GALNT13: variants seen among roughly 807,000 people sequenced by gnomAD.
The protein encoded by GALNT13 is polypeptide N-acetylgalactosaminyltransferase 13.
In GALNT13, 28 loss-of-function variants were observed where a neutral mutation model predicts 64.2. The ratio of observed to expected loss-of-function variants is 0.44; its 90% CI spans 0.32 to 0.60. The LOEUF (loss-of-function observed/expected upper bound fraction) is 0.60, where lower values mean the gene tolerates loss of function less well. Ranked by LOEUF, GALNT13 falls within the 20% of genes least tolerant of loss-of-function variation. The pLI is 0.05. For synonymous variants in GALNT13, 214 were observed against 224.6 expected (o/e 0.95, Z 0.42); for missense variants, 577 against 669.8 (o/e 0.86, Z 1.53).
At chr2:153,760,260 T>C in the GALNT13 span, among the ~76,000 whole-genome samples, 1 of 151,948 alleles carries the variant, frequency 6.6e-6, no homozygotes, top group Non-Finnish European at 1.5e-5. Flanking sequence ...CTATTGTTTT[T>C]CTAGTCTCTA....
the GALNT13 span, among the ~76,000 whole-genome samples, chr2:153,749,881 A>G: frequency 5.9e-5 from 9 of 151,898 alleles, no homozygotes; most frequent in Non-Finnish European, 1.2e-4. Context: ...AAGAATGGTG[A>G]AAATGTGCAT....
At chr2:153,778,272 G>T in the GALNT13 span, among the ~76,000 whole-genome samples, 1 of 152,198 alleles carries the variant, frequency 6.6e-6, no homozygotes, top group African/African-American at 2.4e-5. Context: ...GTATTTATAG[G>T]CACAGGATGG....
At chr2:153,516,492 A>T in the GALNT13 span, among the ~76,000 whole-genome samples, 3 of 152,164 alleles carry the variant, frequency 2.0e-5, no homozygotes, top group East Asian at 5.8e-4. Flanking sequence ...GGTTAAAAAG[A>T]GAAGTAGAAA....
chr2:153,526,286 C>A, the GALNT13 span, among the ~76,000 whole-genome samples: 29 of 152,364 alleles, frequency 1.9e-4, 1 homozygote, highest in East Asian at 2.5e-3. Flanking sequence ...TAACCCAGCA[C>A]AATCCTAGTG....
chr2:154,158,736 C>G (rs749652542), intron 4 of GALNT13, among the ~76,000 whole-genome samples: 2 of 152,146 alleles, frequency 1.3e-5, no homozygotes, highest in African/African-American at 2.4e-5. Context: ...GCTCCCTTAC[C>G]TTCAATCTCT....
chr2:153,334,801 A>G, the GALNT13 span, among the ~76,000 whole-genome samples: 1 of 152,076 alleles, frequency 6.6e-6, no homozygotes, highest in Non-Finnish European at 1.5e-5. Flanking sequence ...TACAGTGTTC[A>G]TTTCTCATAG....
the GALNT13 span, among the ~76,000 whole-genome samples, chr2:153,306,256 G>T: frequency 3.9e-5 from 6 of 152,170 alleles, no homozygotes; most frequent in South Asian, 1.2e-3. Context: ...AATTGGGGAA[G>T]ATTTTATAAT....
intron 3 of GALNT13, among the ~76,000 whole-genome samples, chr2:154,052,690 TTGACTGA>T (rs1341254254): frequency 6.6e-6 from 1 of 152,020 alleles, no homozygotes; most frequent in African/African-American, 2.4e-5. Flanking sequence ...TATATGATTG[TTGACTGA>T]ATGGACACTT....
At chr2:154,182,804 G>A (rs1044705960) in intron 4 of GALNT13, among the ~76,000 whole-genome samples, 1 of 151,786 alleles carries the variant, frequency 6.6e-6, no homozygotes, top group Non-Finnish European at 1.5e-5. Flanking sequence ...ACTTTGGAAG[G>A]CCCAAAGCTA....
At chr2:154,340,649 A>C (rs62172293) in intron 9 of GALNT13, among the ~76,000 whole-genome samples, 3,527 of 152,214 alleles carry the variant, frequency 0.023, 65 homozygotes, top group Non-Finnish European at 0.033. Context: ...CTAAATTTAG[A>C]TTCAGAACTA....
At chr2:153,674,017 G>A in the GALNT13 span, among the ~76,000 whole-genome samples, 1 of 152,050 alleles carries the variant, frequency 6.6e-6, no homozygotes, top group Admixed American at 6.6e-5. Flanking sequence ...CCTCTTCAAG[G>A]AGAACTACAA....
chr2:153,180,535 C>T, the GALNT13 span, among the ~76,000 whole-genome samples: 1 of 152,062 alleles, frequency 6.6e-6, no homozygotes, highest in African/African-American at 2.4e-5. Context: ...TAGTGCTGGC[C>T]TTATAGAATG....
chr2:153,238,413 G>A, the GALNT13 span, among the ~76,000 whole-genome samples: 1 of 151,882 alleles, frequency 6.6e-6, no homozygotes, highest in Non-Finnish European at 1.5e-5. Flanking sequence ...ACCTAGTTCA[G>A]TATCCTGGAC....
At chr2:153,952,039 GGAT>G (rs1692223783) in intron 3 of GALNT13, among the ~76,000 whole-genome samples, 1 of 152,012 alleles carries the variant, frequency 6.6e-6, no homozygotes, top group Non-Finnish European at 1.5e-5. Context: ...ACTTGTTAGG[GGAT>G]GATATTAACC....
At position 154,360,619 on chromosome 2, in the gene GALNT13, C is replaced by T. The variant is rs774063930; in HGVS notation, c.1157-35372C>T. ...GCTTGTGCCTGTTTTTAGAGTGATA[C>T]AAATTTGCAACGTGTACCTATGTGT... On this transcript the variant is annotated intron_variant, in intron 9 of 12. Transcript: ENST00000392825. Among the ~76,000 whole-genome samples the T allele has an allele frequency of 5.9e-5, 9 of 152,246 alleles. No homozygotes were observed. In the Middle Eastern group the frequency reaches 0.01, roughly 173 times the overall value.
the GALNT13 span, among the ~76,000 whole-genome samples, chr2:153,235,125 C>A: frequency 0.029 from 4,426 of 152,086 alleles, 216 homozygotes; most frequent in African/African-American, 0.1. Flanking sequence ...TAGACTGATC[C>A]ACCAACAACA....
the GALNT13 span, among the ~76,000 whole-genome samples, chr2:153,205,999 T>C: frequency 6.6e-6 from 1 of 151,980 alleles, no homozygotes; most frequent in African/African-American, 2.4e-5. Context: ...TCCTGAATAA[T>C]TGTTGAATAA....
At chr2:154,331,844 C>G (rs1695184240) in intron 9 of GALNT13, among the ~76,000 whole-genome samples, 1 of 151,894 alleles carries the variant, frequency 6.6e-6, no homozygotes, top group Non-Finnish European at 1.5e-5. Context: ...AGCTGATAGC[C>G]ACTTCTTGCT....
intron 4 of GALNT13, among the ~76,000 whole-genome samples, chr2:154,143,984 A>T (rs2105591590): frequency 6.6e-6 from 1 of 152,234 alleles, no homozygotes; most frequent in South Asian, 2.1e-4. Context: ...GAGCAATCCA[A>T]CATTTTAAAT....
Sources: allele counts gnomAD v4.1 joint callset (sites outside exome capture counted in the v4.1 genomes callset), GRCh38; gene constraint gnomAD v4.1.1; transcripts MANE v1.5; gene names NCBI Gene and HGNC (gene_info 2026-07-23, HGNC 2026-07-21).